The following WDPCP variants were observed in gnomAD, a reference collection of about 807,000 sequenced individuals.
The protein encoded by WDPCP is WD repeat-containing and planar cell polarity effector protein fritz homolog.
Under a neutral mutation model 93.1 loss-of-function variants are expected in WDPCP, and 71 were observed. The observed-to-expected ratio is 0.76, with a 90% CI of 0.63 to 0.93. The LOEUF is 0.93. Ranked by LOEUF, WDPCP falls within the 40% of genes least tolerant of loss-of-function variation. WDPCP has a pLI of 0.00. For missense variants in WDPCP, 844 were observed against 887.4 expected, an observed-to-expected ratio of 0.95 and a Z score of 0.62; for synonymous variants, 315 against 315.0, an observed-to-expected ratio of 1.00 and a Z score of 0.00.
chr2:63,642,090 T>C (rs1056532037), intron 3 of WDPCP, among the ~76,000 whole-genome samples: 12 of 152,142 alleles, frequency 7.9e-5, no homozygotes, highest in African/African-American at 2.9e-4. Flanking sequence ...TGAAAATGAG[T>C]TCATATGGGG....
intron 3 of WDPCP, among the ~76,000 whole-genome samples, chr2:63,635,572 T>A (rs1250928925): frequency 1.3e-5 from 2 of 152,140 alleles, no homozygotes; most frequent in Non-Finnish European, 2.9e-5. Context: ...TCAATAAAGA[T>A]GATACACCAG....
At position 63,636,823 on chromosome 2, in the gene WDPCP, A is replaced by C. The variant is rs573680299; in HGVS notation, n.488+13836T>G. ...GGGCTTCAAGAATACACAATGAAGA[A>C]AGATAATATCTTCAAAAAACAGTGT... On this transcript the variant is annotated intron_variant and non_coding_transcript_variant, in intron 3 of 4. Transcript: ENST00000467687. Among the ~76,000 whole-genome samples, 80 of 152,340 alleles carry C rather than the reference A, an allele frequency of 5.3e-4. 1 individual carries two copies. The South Asian group carries it at 0.016, about 31-fold the overall frequency.
chr2:63,496,712 C>T (rs1480338686), intron 1 of WDPCP, among the ~76,000 whole-genome samples: 1 of 152,174 alleles, frequency 6.6e-6, no homozygotes, highest in Non-Finnish European at 1.5e-5. Flanking sequence ...AACAACACTG[C>T]TCTAGTTTCC....
intron 2 of WDPCP, among the ~76,000 whole-genome samples, chr2:63,735,478 T>G (rs1197488687): frequency 6.6e-6 from 1 of 152,120 alleles, no homozygotes; most frequent in East Asian, 1.9e-4. Flanking sequence ...GGAAACAGGG[T>G]TGAGTCAGAC....
chr2:63,441,175 G>C (rs1008673088), intron 6 of WDPCP: 4 of 152,164 alleles, frequency 2.6e-5, no homozygotes, highest in Admixed American at 6.6e-5. Context: ...ATGGGTTTTG[G>C]AGACTACTAA....
intron 3 of WDPCP, among the ~76,000 whole-genome samples, chr2:63,616,420 G>T (rs1709674163): frequency 2.0e-5 from 3 of 152,180 alleles, no homozygotes; most frequent in African/African-American, 7.2e-5. Flanking sequence ...GAATTGGAGA[G>T]GTAAGTAGGA....
intron 13 of WDPCP, among the ~76,000 whole-genome samples, chr2:63,311,878 T>C (rs144853081): frequency 1.3e-3 from 197 of 152,308 alleles, no homozygotes; most frequent in African/African-American, 4.2e-3. Context: ...TTCATCTCTT[T>C]AGTTCTTATC....
intron 17 of WDPCP, among the ~76,000 whole-genome samples, chr2:63,147,497 G>A (rs1041382540): frequency 1.3e-5 from 2 of 152,040 alleles, no homozygotes; most frequent in African/African-American, 4.8e-5. Context: ...GAGTTTGAGG[G>A]GAAAATGATG....
At chr2:63,812,295 T>G (rs1199434211) in intron 2 of WDPCP, among the ~76,000 whole-genome samples, 1 of 152,228 alleles carries the variant, frequency 6.6e-6, no homozygotes, top group Non-Finnish European at 1.5e-5. Context: ...ATACCACATT[T>G]TCTTTATCCA....
intron 1 of WDPCP, among the ~76,000 whole-genome samples, chr2:63,512,186 A>C (rs1702277580): frequency 6.6e-6 from 1 of 152,262 alleles, no homozygotes; most frequent in Admixed American, 6.5e-5. Flanking sequence ...CAAAACCACA[A>C]TGAGATACTA....
At chr2:63,739,172 C>T (rs1371389024) in intron 2 of WDPCP, among the ~76,000 whole-genome samples, 1 of 152,070 alleles carries the variant, frequency 6.6e-6, no homozygotes, top group Non-Finnish European at 1.5e-5. Flanking sequence ...TTTTCTGCTC[C>T]TTTCCTTCCT....
intron 14 of WDPCP, among the ~76,000 whole-genome samples, chr2:63,193,593 C>T (rs1327495062): frequency 6.6e-6 from 1 of 152,214 alleles, no homozygotes; most frequent in Non-Finnish European, 1.5e-5. Context: ...TTAAGCAATC[C>T]TCCCTAGCTC....
intron 1 of WDPCP, among the ~76,000 whole-genome samples, chr2:63,533,152 AGAG>A (rs1575596384): frequency 6.8e-6 from 1 of 147,618 alleles, no homozygotes; most frequent in East Asian, 2.2e-4. Context: ...TTCAACAAGA[AGAG>A]CTAACTCTCC....
chr2:63,439,795 C>G lies in WDPCP; in HGVS notation c.461G>C (p.Ser154Thr). ...GTCTGAGATGAGCTTCCCCACCAGG[C>G]TTCTGTCAATCACCACTTTCTCCAG... ...PQLEKVVIDR[S>T]LVGKLISDTI... is the part of the protein sequence containing the mutation. Residue 154 changes from serine to threonine, a missense_variant, in exon 7 of 18, where the codon AGC (serine) becomes ACC (threonine). Ser to Thr is a moderately conservative substitution (Grantham distance 58). Transcript: ENST00000272321. The G allele has an allele frequency of 6.2e-7, 1 of 1,613,284 alleles. No homozygotes were observed.
intron 1 of WDPCP, among the ~76,000 whole-genome samples, chr2:63,583,838 G>C (rs1708660541): frequency 6.6e-6 from 1 of 152,074 alleles, no homozygotes; most frequent in Admixed American, 6.5e-5. Flanking sequence ...CATATGAGTG[G>C]TCAGTGCCTG....
chr2:63,120,061 A>G lies in WDPCP; in HGVS notation c.*1945T>C, dbSNP rs541276918. ...TATTATTATCATTATGTAGAAAAAC[A>G]TAGATGTATCAATATCCATATTTTA... On this transcript the variant is annotated 3_prime_UTR_variant, in exon 18 of 18. Coordinates refer to ENST00000272321, the MANE Select transcript of WDPCP (RefSeq NM_015910.7). Among the ~76,000 whole-genome samples the G allele has an allele frequency of 7.8e-4, 119 of 152,336 alleles. 2 individuals are homozygous for G. Among genetic ancestry groups the G allele is most frequent in the African/African-American group, 2.6e-3 (109 of 41,580 alleles).
chr2:63,512,543 A>G (rs1702299085), intron 1 of WDPCP, among the ~76,000 whole-genome samples: 1 of 152,238 alleles, frequency 6.6e-6, no homozygotes, highest in Non-Finnish European at 1.5e-5. Flanking sequence ...CATATATACC[A>G]TGGAATATTA....
At chr2:63,679,302 A>G (rs1255904310) in intron 2 of WDPCP, among the ~76,000 whole-genome samples, 2 of 152,130 alleles carry the variant, frequency 1.3e-5, no homozygotes, top group Admixed American at 6.5e-5. Flanking sequence ...GGAGTCATGG[A>G]ATTAATCTGT....
chr2:63,190,667 A>G (rs916210812), intron 14 of WDPCP, among the ~76,000 whole-genome samples: 5 of 152,152 alleles, frequency 3.3e-5, no homozygotes, highest in African/African-American at 1.2e-4. Flanking sequence ...GATTACAGCT[A>G]TAATATGTGA....
Sources: gnomAD v4.1 joint callset for allele counts (sites outside exome capture counted in the v4.1 genomes callset) on GRCh38, gnomAD v4.1.1 for gene constraint, MANE v1.5 for transcripts, NCBI Gene and HGNC (gene_info 2026-07-23, HGNC 2026-07-21) for gene names.